The following HERC6 variants were observed in gnomAD, a reference collection of about 807,000 sequenced individuals.
HERC6 encodes HECT and RLD domain containing E3 ubiquitin protein ligase family member 6.
Under a neutral mutation model 114.5 loss-of-function variants are expected in HERC6, and 101 were observed. The observed-to-expected ratio is 0.88, with a 90% CI of 0.75 to 1.04. HERC6 has a LOEUF of 1.04. Among genes scored for constraint, HERC6 ranks in the 50% least tolerant of loss-of-function variants. The pLI is 0.00. For synonymous variants in HERC6, 408 were observed against 436.2 expected, an observed-to-expected ratio of 0.94 and a Z score of 0.81; for missense variants, 1,133 against 1,230.9, an observed-to-expected ratio of 0.92 and a Z score of 1.19.
intron 5 of HERC6, 89 bp from the exon 6 acceptor site, chr4:88,395,926 C>T (rs1272972232): frequency 7.6e-6 from 9 of 1,176,734 alleles, no homozygotes; most frequent in East Asian, 2.7e-5. Flanking sequence ...AGAGTGCTCC[C>T]GTATTAACTC....
intron 17 of HERC6, among the ~76,000 whole-genome samples, chr4:88,433,009 A>G (rs1738396123): frequency 2.0e-5 from 3 of 151,754 alleles, no homozygotes; most frequent in Admixed American, 2.0e-4. Context: ...AACTGCTTGA[A>G]CCTGGGAGGC....
intron 3 of HERC6, among the ~76,000 whole-genome samples, chr4:88,389,215 A>G (rs7678100): frequency 0.075 from 11,461 of 151,956 alleles, 503 homozygotes; most frequent in Middle Eastern, 0.23. Context: ...GAGAGGAGTG[A>G]GCAGGGGGAG....
chr4:88,424,032 G>A (rs1737340277), intron 14 of HERC6, 59 bp downstream of exon 14: 1 of 798,578 alleles, frequency 1.3e-6, no homozygotes, highest in South Asian at 1.8e-5. Flanking sequence ...ACACATTACT[G>A]TAGTATCTGT....
intron 8 of HERC6, 57 bp downstream of exon 8, chr4:88,398,266 C>T (rs62310042): frequency 0.032 from 34,303 of 1,077,798 alleles, 762 homozygotes; most frequent in Non-Finnish European, 0.037. Context: ...GATTTCAGAC[C>T]GGTATTTGAA....
In HERC6 at chr4:88,442,579, G is replaced by C. The variant is rs576352726; in HGVS notation, c.*119G>C. 55 of 774,872 alleles carry C rather than the reference G, an allele frequency of 7.1e-5. No individual in the cohort carries two copies. The highest frequency in any genetic ancestry group is 6.3e-4 in the South Asian group (36 of 57,476). The allele number at this position is 774,872 out of a possible 1,614,324, so 48.0% of individuals were successfully genotyped here. The stretch of plus-strand genomic sequence containing the variant: ...TTAGAAGTAGTTGAGGGAGAGATTG[G>C]GGGAATGGGGAGATGATGATGATGG... On this transcript the variant is annotated 3_prime_UTR_variant, in exon 23 of 23. Coordinates refer to ENST00000264346, the MANE Select transcript of HERC6 (RefSeq NM_017912.4).
intron 11 of HERC6, 98 bp downstream of exon 11, chr4:88,408,715 G>A (rs1042202922): frequency 2.0e-5 from 16 of 815,860 alleles, no homozygotes; most frequent in African/African-American, 6.9e-5. Flanking sequence ...GTAATTGCCC[G>A]ATGAGTTCTT....
chr4:88,432,802 T>C (rs562848207), intron 17 of HERC6, among the ~76,000 whole-genome samples: 1 of 152,228 alleles, frequency 6.6e-6, no homozygotes, highest in South Asian at 2.1e-4. Flanking sequence ...ATTATATTTT[T>C]GTAAAGGTCC....
chr4:88,381,015 T>C (rs1012644318), intron 1 of HERC6, among the ~76,000 whole-genome samples: 13 of 152,170 alleles, frequency 8.5e-5, no homozygotes, highest in Non-Finnish European at 1.9e-4. Context: ...TTTGAAAATA[T>C]GTTTTAAATT....
chr4:88,435,631 G>A, intron 17 of HERC6, 94 bp from the exon 18 acceptor site: 7 of 881,526 alleles, frequency 7.9e-6, no homozygotes, highest in Non-Finnish European at 1.1e-5. Flanking sequence ...TTGACTTTCA[G>A]AAAAGGGAAC....
intron 16 of HERC6, 80 bp downstream of exon 16, chr4:88,428,830 A>G (rs1039167954): frequency 3.3e-6 from 4 of 1,202,724 alleles, no homozygotes; most frequent in Non-Finnish European, 4.5e-6. Flanking sequence ...GCTCTCTGAA[A>G]AGAGCCTGCA....
intron 5 of HERC6, 43 bp downstream of exon 5, chr4:88,393,625 T>C (rs1735039667): frequency 1.6e-6 from 2 of 1,240,702 alleles, no homozygotes; most frequent in Non-Finnish European, 2.3e-6. Context: ...TCCAGAGAAA[T>C]GGTAACAAGA....
chr4:88,428,600 C>T lies in HERC6; in HGVS notation c.1956C>T (p.Tyr652=). The T allele has an allele frequency of 1.3e-6, 2 of 1,597,834 alleles. No homozygotes were observed. The highest frequency in any genetic ancestry group is 2.3e-5 in the South Asian group (2 of 86,594). The change falls in exon 16 of 23, where the codon TAC becomes TAT. Residue 652 remains tyrosine (Y), a synonymous_variant. Coordinates refer to ENST00000264346, the MANE Select transcript of HERC6 (RefSeq NM_017912.4). ...IKMQMSEKKA[Y]MLMHETILQK... ...TCCAGATGTCAGAAAAGAAAGCATA[C>T]ATGCTTATGCATGAAACAATTCTGC...
At chr4:88,411,978 A>G (rs1416033742) in intron 11 of HERC6, among the ~76,000 whole-genome samples, 4 of 152,188 alleles carry the variant, frequency 2.6e-5, no homozygotes, top group Admixed American at 1.3e-4. Context: ...CCATCTTCCT[A>G]TAAACCCAGG....
chr4:88,425,508 TTCTTAAGTGCTAA>T (rs1208925778), intron 15 of HERC6, among the ~76,000 whole-genome samples: 1 of 152,320 alleles, frequency 6.6e-6, no homozygotes, highest in East Asian at 1.9e-4. Context: ...AATTGCTGTG[TTCTTAAGTGCTAA>T]TCTTTGGATT....
intron 16 of HERC6, among the ~76,000 whole-genome samples, chr4:88,430,662 T>C (rs1236314220): frequency 6.6e-6 from 1 of 152,154 alleles, no homozygotes; most frequent in Non-Finnish European, 1.5e-5. Flanking sequence ...ATGGGCAATC[T>C]GCTCTGCTGG....
chr4:88,429,142 T>C (rs2148981605), intron 16 of HERC6, among the ~76,000 whole-genome samples: 1 of 152,336 alleles, frequency 6.6e-6, no homozygotes, highest in African/African-American at 2.4e-5. Context: ...CTGGCTGACC[T>C]AGGCCTGGCT....
intron 5 of HERC6, among the ~76,000 whole-genome samples, chr4:88,395,767 T>C (rs946338426): frequency 1.3e-5 from 2 of 152,146 alleles, no homozygotes. Context: ...CAAGTAATTC[T>C]CCTGCCACAG....
intron 18 of HERC6, 140 bp from the exon 19 acceptor site, chr4:88,436,765 G>C: frequency 3.7e-6 from 2 of 536,992 alleles, no homozygotes; most frequent in Non-Finnish European, 3.2e-6. Context: ...CTAGGGAAAG[G>C]GAATGAGAAG....
At chr4:88,425,806 T>C (rs1431400819) in intron 15 of HERC6, among the ~76,000 whole-genome samples, 2 of 152,192 alleles carry the variant, frequency 1.3e-5, no homozygotes, top group Non-Finnish European at 2.9e-5. Context: ...TTTTTTTTAT[T>C]GCTGAGGCTT....
Sources: gnomAD v4.1 joint callset for allele counts (sites outside exome capture counted in the v4.1 genomes callset) on GRCh38, gnomAD v4.1.1 for gene constraint, MANE v1.5 for transcripts, NCBI Gene and HGNC (gene_info 2026-07-23, HGNC 2026-07-21) for gene names.